The following STK38 variants were observed in gnomAD, a reference collection of about 807,000 sequenced individuals.
The protein encoded by STK38 is serine/threonine kinase 38.
In STK38, 26 loss-of-function variants were observed where a neutral mutation model predicts 59.0. The ratio of observed to expected loss-of-function variants is 0.44; its 90% CI spans 0.32 to 0.61. The LOEUF is 0.61. Ranked by LOEUF, STK38 falls within the 20% of genes least tolerant of loss-of-function variation. The pLI is 0.04. For missense variants in STK38, 433 were observed against 566.0 expected (o/e 0.76, Z 2.38); for synonymous variants, 175 against 176.6 (o/e 0.99, Z 0.07).
In STK38 at chr6:36,517,860, A is replaced by G; in HGVS notation, c.391-20T>C. On this transcript the variant is annotated intron_variant, in intron 5 of 13. Transcript: ENST00000229812. ...GCCAACCTGGAGGTATATGCATTTG[A>G]TTAATGACAAAGCTTGCTCTGCTTT... The G allele has an allele frequency of 3.1e-6, 5 of 1,611,196 alleles. No homozygotes were observed. The highest frequency in any genetic ancestry group is 4.2e-6 in the Non-Finnish European group (5 of 1,178,700).
chr6:36,498,912 A>T (rs1291526198), intron 10 of STK38, among the ~76,000 whole-genome samples: 3 of 152,076 alleles, frequency 2.0e-5, no homozygotes, highest in Non-Finnish European at 4.4e-5. Context: ...GTCTTTAATG[A>T]CTACTGGATT....
At chr6:36,542,902 T>C (rs892789539) in intron 1 of STK38, among the ~76,000 whole-genome samples, 1 of 150,832 alleles carries the variant, frequency 6.6e-6, no homozygotes, top group Non-Finnish European at 1.5e-5. Context: ...GCCGAGATCA[T>C]GCCACTGCAC....
chr6:36,520,380 C>T (rs1027539157), intron 5 of STK38, among the ~76,000 whole-genome samples: 9 of 152,152 alleles, frequency 5.9e-5, no homozygotes, highest in African/African-American at 1.7e-4. Flanking sequence ...AGAAACCATG[C>T]GGGGCACCTG....
At chr6:36,527,275 TATAC>T (rs1263923695) in intron 2 of STK38, among the ~76,000 whole-genome samples, 1 of 147,222 alleles carries the variant, frequency 6.8e-6, no homozygotes, top group African/African-American at 2.5e-5. Context: ...TGTACACATG[TATAC>T]ATATATACAT....
chr6:36,545,600 C>A (rs943234497), intron 1 of STK38, among the ~76,000 whole-genome samples: 14 of 152,124 alleles, frequency 9.2e-5, no homozygotes, highest in African/African-American at 3.1e-4. Flanking sequence ...ATTCTAATAT[C>A]CTTTAATCAA....
At chr6:36,535,518 A>G (rs534786654) in intron 2 of STK38, among the ~76,000 whole-genome samples, 1 of 152,286 alleles carries the variant, frequency 6.6e-6, no homozygotes, top group South Asian at 2.1e-4. Flanking sequence ...TCCATGTAAC[A>G]GAAGACTCAA....
intron 7 of STK38, among the ~76,000 whole-genome samples, chr6:36,515,065 T>A (rs1777216881): frequency 6.6e-6 from 1 of 152,112 alleles, no homozygotes; most frequent in Admixed American, 6.5e-5. Context: ...GGTGACTATC[T>A]TTGGCTTTAT....
chr6:36,523,812 A>G, intron 4 of STK38, among the ~76,000 whole-genome samples: 1 of 152,124 alleles, frequency 6.6e-6, no homozygotes, highest in Non-Finnish European at 1.5e-5. Context: ...TCCTAGGGTC[A>G]TCTTTTTAGA....
intron 2 of STK38, among the ~76,000 whole-genome samples, chr6:36,532,196 A>G (rs1336039667): frequency 6.6e-6 from 1 of 151,864 alleles, no homozygotes; most frequent in South Asian, 2.1e-4. Flanking sequence ...TGTAATCCCA[A>G]CACTCTGGGA....
At position 36,507,507 on chromosome 6, in the gene STK38, ACTGGGGAGG is replaced by A; in HGVS notation, c.756_764del (p.Leu253_Ser255del). 6.2e-7 allele frequency: 1 copy of A among 1,613,952 alleles called. No homozygotes were observed. Among genetic ancestry groups the A allele is most frequent in the South Asian group, 1.1e-5 (1 of 91,068 alleles). ...GTAATTGTTACCACTTACTGAAATC[ACTGGGGAGG>A]CTGTGGTTCAGATTCCTATAAAATT... On this transcript the variant is annotated inframe_deletion, in exon 8 of 14. Coordinates refer to ENST00000229812, the MANE Select transcript of STK38 (RefSeq NM_007271.4).
Position 36,498,427 on chromosome 6 carries a change from T to C in STK38, c.1012A>G (p.Lys338Glu), listed in dbSNP as rs1473944028. 6.2e-7 allele frequency: 1 copy of C among 1,614,096 alleles called. No homozygotes were observed. Residue 338 changes from lysine to glutamate, a missense_variant, in exon 11 of 14, where the codon AAA (lysine) becomes GAA (glutamate). Lys to Glu is a moderately conservative substitution (Grantham distance 56, BLOSUM62 1). Around this residue, in one of 3 missense-constraint regions of STK38, gnomAD observed 136 missense variants for 156.7 expected, o/e 0.87. Transcript: ENST00000229812. ...TCTGGAGGAAAAGTCAAAGTTTCTT[T>C]CCAGTTCATCACCTTCTTATATGTC... is the stretch of plus-strand genomic sequence containing the variant. ...QETYKKVMNW[K>E]ETLTFPPEVP...
At chr6:36,508,110 A>AT (rs1312937403) in intron 7 of STK38, among the ~76,000 whole-genome samples, 1 of 150,952 alleles carries the variant, frequency 6.6e-6, no homozygotes, top group Non-Finnish European at 1.5e-5. Flanking sequence ...ATTTTTTTTT[A>AT]TTTTTTGGAG....
At chr6:36,497,462 A>G (rs1776731340) in intron 12 of STK38, among the ~76,000 whole-genome samples, 1 of 152,246 alleles carries the variant, frequency 6.6e-6, no homozygotes, top group Non-Finnish European at 1.5e-5. Context: ...GTGGGCAGGA[A>G]CAGTCCCGCT....
At position 36,525,577 on chromosome 6, in the gene STK38, C is replaced by T. The variant is rs1318258610; in HGVS notation, c.183+14G>A. ...ACGCTGGGTTTTAAGGAAAACATTG[C>T]CAATATTAATTACCTCCTCATCTTT... On this transcript the variant is annotated intron_variant, in intron 3 of 13. Coordinates refer to ENST00000229812, the MANE Select transcript of STK38 (RefSeq NM_007271.4). 3.1e-6 allele frequency: 5 copies of T among 1,612,308 alleles called. No homozygotes were observed. In the Admixed American group the frequency reaches 8.3e-5, roughly 27 times the overall value.
chr6:36,503,569 A>G (rs1776892077), intron 9 of STK38, among the ~76,000 whole-genome samples: 1 of 152,158 alleles, frequency 6.6e-6, no homozygotes, highest in Non-Finnish European at 1.5e-5. Flanking sequence ...TTTTCATTCT[A>G]ATCATAAAGG....
intron 4 of STK38, among the ~76,000 whole-genome samples, chr6:36,523,405 G>C (rs1306124629): frequency 1.2e-4 from 18 of 151,714 alleles, no homozygotes; most frequent in African/African-American, 4.1e-4. Context: ...TGGGATTACA[G>C]GCACGTGCCA....
intron 2 of STK38, among the ~76,000 whole-genome samples, chr6:36,535,911 G>C (rs1350175981): frequency 6.6e-6 from 1 of 150,692 alleles, no homozygotes; most frequent in African/African-American, 2.4e-5. Context: ...ATTCCATTGG[G>C]CTTTTCCGTA....
intron 2 of STK38, among the ~76,000 whole-genome samples, chr6:36,530,306 AG>A (rs1341123881): frequency 7.0e-6 from 1 of 142,426 alleles, no homozygotes; most frequent in Non-Finnish European, 1.5e-5. Context: ...AGGGGAGCGG[AG>A]GGGGAGGGGA....
intron 3 of STK38, 115 bp downstream of exon 3, chr6:36,525,476 G>T: frequency 3.5e-6 from 3 of 858,904 alleles, no homozygotes; most frequent in Non-Finnish European, 5.6e-6. Flanking sequence ...TACCCCTCAA[G>T]TTCCTCTGTT....
Sources: allele counts gnomAD v4.1 joint callset (sites outside exome capture counted in the v4.1 genomes callset), GRCh38; gene constraint gnomAD v4.1.1; regional missense constraint gnomAD v4.1.1; transcripts MANE v1.5; gene names NCBI Gene and HGNC (gene_info 2026-07-23, HGNC 2026-07-21).